The following LRP4 variants were observed in gnomAD, a reference collection of about 807,000 sequenced individuals.
LRP4 encodes LDL receptor related protein 4.
In LRP4, 95 loss-of-function variants were observed where a neutral mutation model predicts 220.3. That is an observed-to-expected ratio of 0.43 (90% CI 0.37 to 0.51). LRP4 has a LOEUF of 0.51. Ranked by LOEUF, LRP4 falls within the 20% of genes least tolerant of loss-of-function variation. The pLI, the probability that LRP4 is intolerant of heterozygous loss-of-function variation, is 0.00. For synonymous variants in LRP4, 903 were observed against 954.6 expected, an observed-to-expected ratio of 0.95 and a Z score of 1.00; for missense variants, 1,925 against 2,567.0, an observed-to-expected ratio of 0.75 and a Z score of 5.40.
rs757330376 is a variant in LRP4 at position 46,900,249 on chromosome 11, T to C, written c.316+13A>G. ...ACTCAATGGAGTTCCGCCCAGCCTC[T>C]GCCAACACTCACGACAGTCCTGCTC... On this transcript the variant is annotated intron_variant, in intron 3 of 37. Coordinates refer to ENST00000378623, the MANE Select transcript of LRP4 (RefSeq NM_002334.4). 1.8e-5 allele frequency: 29 copies of C among 1,597,822 alleles called. No individual in the cohort carries two copies. The East Asian group carries it at 6.2e-4, about 34-fold the overall frequency.
intron 1 of LRP4, among the ~76,000 whole-genome samples, chr11:46,906,963 T>C (rs1374899085): frequency 6.6e-6 from 1 of 152,142 alleles, no homozygotes; most frequent in Non-Finnish European, 1.5e-5. Flanking sequence ...ACAGACACAT[T>C]ATACTCCAAA....
At position 46,864,439 on chromosome 11, in the gene LRP4, T is replaced by A. The variant is rs1429094993; in HGVS notation, c.5243+9A>T. 6.2e-7 allele frequency: 1 copy of A among 1,606,076 alleles called. No individual in the cohort carries two copies. The highest frequency in any genetic ancestry group is 8.5e-7 in the Non-Finnish European group (1 of 1,173,012). On this transcript the variant is annotated intron_variant, in intron 36 of 37. Transcript: ENST00000378623. ...GAGCATGTGGCCCCTGTAGCAAGAC[T>A]GAAGTTACCTGTACAGCATCAAAGC... is the stretch of plus-strand genomic sequence containing the variant.
chr11:46,884,964 C>T (rs1941252228), intron 18 of LRP4, among the ~76,000 whole-genome samples: 1 of 151,968 alleles, frequency 6.6e-6, no homozygotes, highest in Non-Finnish European at 1.5e-5. Flanking sequence ...CACTAACCCC[C>T]AAAGATTCTG....
In LRP4 at chr11:46,896,793, T is replaced by A. The variant is rs1941541515; in HGVS notation, c.922+76A>T. 1.9e-6 allele frequency: 3 copies of A among 1,607,536 alleles called. No homozygotes were observed. The Admixed American group carries it at 5.0e-5, about 27-fold the overall frequency. ...TAAAACCTCAACCCAACTGGAAAGATACCAAAGCACCCTCTTTTCCACCCT... is the reference window on the plus strand; with the variant it reads ...TAAAACCTCAACCCAACTGGAAAGAAACCAAAGCACCCTCTTTTCCACCCT... On this transcript the variant is annotated intron_variant, in intron 8 of 37. Transcript: ENST00000378623.
intron 8 of LRP4, 143 bp from the exon 9 acceptor site, chr11:46,896,478 C>T (rs1170438339): frequency 2.0e-6 from 2 of 995,812 alleles, no homozygotes; most frequent in African/African-American, 3.2e-5. Flanking sequence ...GCAGCTCAGA[C>T]AGGGCTGGCT....
chr11:46,900,690 C>G lies in LRP4; in HGVS notation c.200-312G>C, dbSNP rs180994714. On this transcript the variant is annotated intron_variant, in intron 2 of 37. Coordinates refer to ENST00000378623, the MANE Select transcript of LRP4 (RefSeq NM_002334.4). Reference sequence around the variant, plus strand: ...ATTTTTAGTAGAGACAGGGTTTTGTCGTGTTGGCCAGGCTGGTCTCAAACC... The same window carrying G: ...ATTTTTAGTAGAGACAGGGTTTTGTGGTGTTGGCCAGGCTGGTCTCAAACC... Among the ~76,000 whole-genome samples, 663 of 151,868 alleles carry G rather than the reference C, an allele frequency of 4.4e-3. 7 individuals are homozygous for G. Among genetic ancestry groups the G allele is most frequent in the South Asian group, 0.015 (74 of 4,806 alleles).
At chr11:46,895,331 G>A (rs774909908) in intron 10 of LRP4, 40 bp from the exon 11 acceptor site, 22 of 1,606,960 alleles carry the variant, frequency 1.4e-5, no homozygotes, top group African/African-American at 4.0e-5. Context: ...CCCTTCTGTC[G>A]TCCTCCCACT....
intron 12 of LRP4, 45 bp from the exon 13 acceptor site, chr11:46,893,174 C>T: frequency 1.2e-6 from 2 of 1,611,278 alleles, no homozygotes; most frequent in South Asian, 1.1e-5. Flanking sequence ...TCAACCCAGG[C>T]CCCCATGTCC....
At position 46,864,444 on chromosome 11, in the gene LRP4, T is replaced by C; in HGVS notation, c.5243+4A>G. 3.1e-6 allele frequency: 5 copies of C among 1,609,172 alleles called. No homozygotes were observed. Among genetic ancestry groups the C allele is most frequent in the Non-Finnish European group, 4.3e-6 (5 of 1,175,758 alleles). ...TGTGGCCCCTGTAGCAAGACTGAAG[T>C]TACCTGTACAGCATCAAAGCTGCAA... On this transcript the variant is annotated splice_donor_region_variant and intron_variant, in intron 36 of 37. Coordinates refer to ENST00000378623, the MANE Select transcript of LRP4 (RefSeq NM_002334.4).
At position 46,859,164 on chromosome 11, in the gene LRP4, T is replaced by C. The variant is rs781473865; in HGVS notation, c.5537A>G (p.Asp1846Gly). The C allele has an allele frequency of 1.2e-6, 2 of 1,614,190 alleles. No homozygotes were observed. Among genetic ancestry groups the C allele is most frequent in the Non-Finnish European group, 1.7e-6 (2 of 1,180,028 alleles). The change falls in exon 38 of 38, where the codon GAC (aspartate) becomes GGC (glycine). Residue 1846 changes from aspartate to glycine, a missense_variant. Asp to Gly is a moderately conservative substitution (Grantham distance 94). Coordinates refer to ENST00000378623, the MANE Select transcript of LRP4 (RefSeq NM_002334.4). Reference sequence around the variant, plus strand: ...AGAGCTGGCCTGGATGGACACCGTGTCTGTCTTCATGCATACATGATCCCG... The same window carrying C: ...AGAGCTGGCCTGGATGGACACCGTGCCTGTCTTCATGCATACATGATCCCG... ...LLRDHVCMKT[D>G]TVSIQASSGS... is the part of the protein sequence containing the mutation.
Position 46,889,426 on chromosome 11 carries a change from G to A in LRP4, c.2200C>T (p.His734Tyr), listed in dbSNP as rs1237077525. The change falls in exon 16 of 38, where the codon CAC becomes TAC. Residue 734 changes from histidine to tyrosine, a missense_variant. Around this residue, in one of 3 missense-constraint regions of LRP4, gnomAD observed 1,244 missense variants for 1,624.9 expected, o/e 0.77. Coordinates refer to ENST00000378623, the MANE Select transcript of LRP4 (RefSeq NM_002334.4). ...CPTGFRKISS[H>Y]ACAQSLDKFL... is the part of the protein sequence containing the mutation. Reference sequence around the variant, plus strand: ...ACCCACTTACTCTGGGCACAGGCGTGGCTGCTGATCTTGCGGAAGCCAGTG... The same window carrying A: ...ACCCACTTACTCTGGGCACAGGCGTAGCTGCTGATCTTGCGGAAGCCAGTG... 1 of 1,614,090 alleles carries A rather than the reference G, an allele frequency of 6.2e-7. No individual in the cohort carries two copies. Among genetic ancestry groups the A allele is most frequent in the Admixed American group, 1.7e-5 (1 of 60,026 alleles).
In LRP4 at chr11:46,918,399, G is replaced by C; in HGVS notation, c.-20C>G. The C allele has an allele frequency of 1.4e-6, 2 of 1,411,626 alleles. No individual in the cohort carries two copies. Among genetic ancestry groups the C allele is most frequent in the Non-Finnish European group, 1.8e-6 (2 of 1,084,012 alleles). The allele number at this position is 1,411,626 out of a possible 1,614,324, so 87.4% of individuals were successfully genotyped here. ...CCTCATGGTGCCGCCCGCGCCGCTCGCCCGGGGTCCCGCCGGCTCCCGCCG... is the reference window on the plus strand; with the variant it reads ...CCTCATGGTGCCGCCCGCGCCGCTCCCCCGGGGTCCCGCCGGCTCCCGCCG... On this transcript the variant is annotated 5_prime_UTR_variant, in exon 1 of 38. Transcript: ENST00000378623. The surrounding 1 kb of genome is among the most constrained non-coding windows in gnomAD (Gnocchi z 6.0).
intron 37 of LRP4, among the ~76,000 whole-genome samples, chr11:46,859,781 T>C (rs1312249138): frequency 6.6e-6 from 1 of 152,216 alleles, no homozygotes; most frequent in African/African-American, 2.4e-5. Flanking sequence ...GGTTTATTAA[T>C]GGGACATCAT....
intron 9 of LRP4, 34 bp downstream of exon 9, chr11:46,896,176 C>T (rs1941526533): frequency 6.2e-7 from 1 of 1,612,466 alleles, no homozygotes; most frequent in Admixed American, 1.7e-5. Flanking sequence ...CGGCCACAAA[C>T]CATGGGCCAG....
At chr11:46,908,518 C>T (rs1277927822) in intron 1 of LRP4, among the ~76,000 whole-genome samples, 1 of 152,222 alleles carries the variant, frequency 6.6e-6, no homozygotes, top group African/African-American at 2.4e-5. Context: ...AGCATTCACA[C>T]CCAGGCAGGT....
In LRP4 at chr11:46,883,924, G is replaced by A. The variant is rs746391087; in HGVS notation, c.2559C>T (p.Leu853=). The A allele has an allele frequency of 2.5e-6, 4 of 1,614,246 alleles. No individual in the cohort carries two copies. The highest frequency in any genetic ancestry group is 3.4e-6 in the Non-Finnish European group (4 of 1,180,046). The change falls in exon 19 of 38, where the codon CTC becomes CTT. Residue 853 remains leucine (L), a synonymous_variant. Coordinates refer to ENST00000378623, the MANE Select transcript of LRP4 (RefSeq NM_002334.4). ...ANTDGSMRTV[L]IWENLDRPRD... is the part of the protein sequence containing the mutation. ...GAGGACGATCAAGGTTCTCCCAGAT[G>A]AGTACTGTTCTCATGCTGCCATCTG...
At chr11:46,895,008 C>G (rs1229926555) in intron 11 of LRP4, among the ~76,000 whole-genome samples, 158 bp downstream of exon 11, 1 of 152,100 alleles carries the variant, frequency 6.6e-6, no homozygotes, top group East Asian at 1.9e-4. Context: ...CCACTCCACC[C>G]CAGCAGCATT....
chr11:46,889,269 C>T, intron 16 of LRP4, 142 bp downstream of exon 16: 1 of 1,131,570 alleles, frequency 8.8e-7, no homozygotes, highest in Non-Finnish European at 1.3e-6. Context: ...GATCCCTCAG[C>T]CTCTTAAGTT....
Position 46,873,497 on chromosome 11 carries a change from C to T in LRP4, c.4326G>A (p.Leu1442=), listed in dbSNP as rs138387115. 2 of 1,614,114 alleles carry T rather than the reference C, an allele frequency of 1.2e-6. No homozygotes were observed. Among genetic ancestry groups the T allele is most frequent in the African/African-American group, 2.7e-5 (2 of 74,940 alleles). Residue 1442 remains leucine (L), a synonymous_variant, in exon 29 of 38, where the codon CTG becomes CTA. Coordinates refer to ENST00000378623, the MANE Select transcript of LRP4 (RefSeq NM_002334.4). The surrounding 1 kb of genome is among the most constrained non-coding windows in gnomAD (Gnocchi z 4.2). The part of the protein sequence containing the change: ...GLAVDWVARN[L]YWTDTGRNTI... ...TATTTCGACCTGTGTCTGTCCAGTA[C>T]AGGTTCCTGGCCACCCAGTCCACTG...
Sources: allele counts gnomAD v4.1 joint callset (sites outside exome capture counted in the v4.1 genomes callset), GRCh38; gene constraint gnomAD v4.1.1; regional missense constraint gnomAD v4.1.1; non-coding constraint Gnocchi (gnomAD v3.1); transcripts MANE v1.5; gene names NCBI Gene and HGNC (gene_info 2026-07-23, HGNC 2026-07-21).